Variants in TCERG1 observed in about 807,000 individuals in gnomAD.
TCERG1 encodes the protein TATA box binding protein (TBP)-associated factor, RNA polymerase II, S, 150kD.
Under a neutral mutation model 144.7 loss-of-function variants are expected in TCERG1, and 37 were observed. That is an observed-to-expected ratio of 0.26 (90% confidence interval 0.20 to 0.34). The LOEUF is 0.34. Among genes scored for constraint, TCERG1 ranks in the 10% least tolerant of loss-of-function variants. The pLI is 1.00. For missense variants in TCERG1, 1,027 were observed against 1,380.7 expected, an observed-to-expected ratio of 0.74 and a Z score of 4.06; for synonymous variants, 492 against 458.2, an observed-to-expected ratio of 1.07 and a Z score of -0.94.
chr5:146,503,815 C>T lies in TCERG1; in HGVS notation c.2599-9C>T. On this transcript the variant is annotated splice_polypyrimidine_tract_variant and intron_variant, in intron 18 of 22. Transcript: ENST00000679501. Reference sequence around the variant, plus strand: ...GGTAAGAAGGATAATGTAGTTTTTGCTTTTACAGAATTTAGACTCAGAAAA... The same window carrying T: ...GGTAAGAAGGATAATGTAGTTTTTGTTTTTACAGAATTTAGACTCAGAAAA... 6.4e-7 allele frequency: 1 copy of T among 1,572,120 alleles called. No homozygotes were observed.
At position 146,459,067 on chromosome 5, in the gene TCERG1, CAGGCT is replaced by C. The variant is rs777792044; in HGVS notation, c.623_627del (p.Gln208ProfsTer56). 30 of 1,596,984 alleles carry C rather than the reference CAGGCT, an allele frequency of 1.9e-5. No homozygotes were observed. Among genetic ancestry groups the C allele is most frequent in the Non-Finnish European group, 2.0e-5 (23 of 1,167,692 alleles). ...CCAGGCACAAGCTCAGGCCCAGGCTCAGGCTCAGGCCCAGGCCCAGGCCCAGGCCC... is the reference window on the plus strand; with the variant it reads ...CCAGGCACAAGCTCAGGCCCAGGCTCCAGGCCCAGGCCCAGGCCCAGGCCC... On this transcript the variant is annotated frameshift_variant, in exon 4 of 23. Coordinates refer to ENST00000679501, the MANE Select transcript of TCERG1 (RefSeq NM_001382548.1). LOFTEE classifies it high-confidence loss of function.
intron 22 of TCERG1, 115 bp from the exon 23 acceptor site, chr5:146,510,318 TAAAAAAAA>T (rs546570760): frequency 1.8e-6 from 1 of 550,768 alleles, no homozygotes; most frequent in Non-Finnish European, 2.9e-6. Context: ...AAATTTTTCT[TAAAAAAAA>T]AAAAAAAAAA....
chr5:146,470,385 T>C (rs1238300383), intron 7 of TCERG1, among the ~76,000 whole-genome samples: 1 of 152,216 alleles, frequency 6.6e-6, no homozygotes, highest in Non-Finnish European at 1.5e-5. Flanking sequence ...AAATGATATA[T>C]GAATGACCTG....
At chr5:146,468,685 CATTTA>C (rs1399754728) in intron 6 of TCERG1, among the ~76,000 whole-genome samples, 6 of 152,018 alleles carry the variant, frequency 3.9e-5, no homozygotes, top group East Asian at 1.9e-4. Flanking sequence ...ATATTCATAA[CATTTA>C]ATTTTATTTT....
At chr5:146,452,738 C>CT (rs1554093968) in intron 1 of TCERG1, among the ~76,000 whole-genome samples, 1 of 152,128 alleles carries the variant, frequency 6.6e-6, no homozygotes, top group Non-Finnish European at 1.5e-5. Context: ...TACAGGCGTG[C>CT]ACCACCATGC....
In TCERG1 at chr5:146,458,880, G is replaced by T. The variant is rs1415227924; in HGVS notation, c.439-4G>T. 1.3e-6 allele frequency: 2 copies of T among 1,588,794 alleles called. No homozygotes were observed. Among genetic ancestry groups the T allele is most frequent in the South Asian group, 1.1e-5 (1 of 88,064 alleles). ...GATACCATTGATTTTTGCTTCCGCT[G>T]CAGGTTTATTATTATAATGCTCGGA... On this transcript the variant is annotated splice_region_variant and splice_polypyrimidine_tract_variant and intron_variant, in intron 3 of 22. Coordinates refer to ENST00000679501, the MANE Select transcript of TCERG1 (RefSeq NM_001382548.1).
rs1242541712 is a variant in TCERG1 at position 146,471,474 on chromosome 5, A to G, written c.1513-14A>G. 6.2e-7 allele frequency: 1 copy of G among 1,607,936 alleles called. No individual in the cohort carries two copies. The highest frequency in any genetic ancestry group is 1.1e-5 in the South Asian group (1 of 89,890). Reference sequence around the variant, plus strand: ...TTAATGTGATACTAATTAGAGTAATATCATTTCTTGTAGGAGCCCAAAGAA... The same window carrying G: ...TTAATGTGATACTAATTAGAGTAATGTCATTTCTTGTAGGAGCCCAAAGAA... On this transcript the variant is annotated splice_polypyrimidine_tract_variant and intron_variant, in intron 8 of 22. Coordinates refer to ENST00000679501, the MANE Select transcript of TCERG1 (RefSeq NM_001382548.1).
At position 146,487,641 on chromosome 5, in the gene TCERG1, G is replaced by A. The variant is rs530363537; in HGVS notation, c.2163+4012G>A. ...TCCAAGCTACTTGGGAGACTAAGGT[G>A]TGGGGATCACTTGATCCAGGAGTTT... On this transcript the variant is annotated intron_variant, in intron 15 of 22. Coordinates refer to ENST00000679501, the MANE Select transcript of TCERG1 (RefSeq NM_001382548.1). Among the ~76,000 whole-genome samples the A allele has an allele frequency of 7.9e-5, 12 of 151,832 alleles. No homozygotes were observed. In the South Asian group the frequency reaches 2.5e-3, roughly 32 times the overall value.
At chr5:146,450,230 G>A (rs548653609) in intron 1 of TCERG1, among the ~76,000 whole-genome samples, 47 of 152,148 alleles carry the variant, frequency 3.1e-4, no homozygotes, top group Non-Finnish European at 5.1e-4. Context: ...ATCCTGAGAG[G>A]GCCTGTAGAG....
intron 5 of TCERG1, among the ~76,000 whole-genome samples, chr5:146,464,523 A>G (rs1331870520): frequency 6.6e-6 from 1 of 152,246 alleles, no homozygotes; most frequent in Non-Finnish European, 1.5e-5. Flanking sequence ...AAAACTAGAG[A>G]AAGAATTAAG....
chr5:146,472,467 G>A (rs139793011), intron 9 of TCERG1, among the ~76,000 whole-genome samples: 147 of 152,132 alleles, frequency 9.7e-4, no homozygotes, highest in African/African-American at 3.4e-3. Context: ...GATCTTTTAT[G>A]TTACTGTTGT....
chr5:146,459,856 G>A (rs1315696616), intron 4 of TCERG1, among the ~76,000 whole-genome samples: 1 of 152,188 alleles, frequency 6.6e-6, no homozygotes, highest in African/African-American at 2.4e-5. Context: ...GGTAGGAGAA[G>A]CAACATGAAT....
chr5:146,452,976 T>G (rs1256804274), intron 1 of TCERG1, among the ~76,000 whole-genome samples: 2 of 152,198 alleles, frequency 1.3e-5, no homozygotes, highest in African/African-American at 2.4e-5. Context: ...AAACTGAGAT[T>G]AATAGTATCC....
intron 6 of TCERG1, 37 bp downstream of exon 6, chr5:146,468,440 A>G (rs1763984894): frequency 1.3e-6 from 2 of 1,594,392 alleles, no homozygotes; most frequent in Non-Finnish European, 1.7e-6. Context: ...TTTTGTCTGT[A>G]AGTTGGCATG....
chr5:146,470,820 C>T, intron 8 of TCERG1, 72 bp downstream of exon 8: 1 of 1,014,626 alleles, frequency 9.9e-7, no homozygotes, highest in Non-Finnish European at 1.4e-6. Flanking sequence ...ATCTGAGTAT[C>T]TATTGGATAG....
intron 9 of TCERG1, among the ~76,000 whole-genome samples, chr5:146,473,194 G>T (rs1005415800): frequency 4.6e-5 from 7 of 152,206 alleles, no homozygotes; most frequent in African/African-American, 1.7e-4. Context: ...CCTTATTCCT[G>T]ATAATGGAGA....
intron 18 of TCERG1, 59 bp downstream of exon 18, chr5:146,503,598 G>A: frequency 6.4e-7 from 1 of 1,559,444 alleles, no homozygotes; most frequent in Non-Finnish European, 8.7e-7. Context: ...TGTGTTTAAG[G>A]GTATATGTTG....
At position 146,463,603 on chromosome 5, in the gene TCERG1, T is replaced by C. The variant is rs776575378; in HGVS notation, c.945T>C (p.Pro315=). 1 of 1,614,224 alleles carries C rather than the reference T, an allele frequency of 6.2e-7. No homozygotes were observed. The highest frequency in any genetic ancestry group is 8.5e-7 in the Non-Finnish European group (1 of 1,180,032). The change falls in exon 5 of 23, where the codon CCT becomes CCC. Residue 315 remains proline (P), a synonymous_variant. Transcript: ENST00000679501. The stretch of plus-strand genomic sequence containing the variant: ...GTTCTGCTGTTTCAGTTGCCACGCC[T>C]ACAGTTAGTGTTTCAACTCCTGCTC... ...TPSSAVSVAT[P]TVSVSTPAPT... is the part of the protein sequence containing the mutation.
chr5:146,507,866 T>G lies in TCERG1; in HGVS notation c.2962-7T>G. 6.3e-7 allele frequency: 1 copy of G among 1,599,824 alleles called. No individual in the cohort carries two copies. The highest frequency in any genetic ancestry group is 8.5e-7 in the Non-Finnish European group (1 of 1,170,858). ...TATTTATGTTTTTTATTCATGTCTT[T>G]TCAAAGATTACCTTAACATCCACGT... On this transcript the variant is annotated splice_region_variant and splice_polypyrimidine_tract_variant and intron_variant, in intron 20 of 22. Coordinates refer to ENST00000679501, the MANE Select transcript of TCERG1 (RefSeq NM_001382548.1). The surrounding 1 kb of genome is among the most constrained non-coding windows in gnomAD (Gnocchi z 4.6).
Sources: allele counts gnomAD v4.1 joint callset (sites outside exome capture counted in the v4.1 genomes callset), GRCh38; gene constraint gnomAD v4.1.1; non-coding constraint Gnocchi (gnomAD v3.1); transcripts MANE v1.5; gene names NCBI Gene and HGNC (gene_info 2026-07-23, HGNC 2026-07-21).